Variants in ALOXE3 observed in about 807,000 individuals in gnomAD.
The protein encoded by ALOXE3 is hydroperoxide isomerase ALOXE3.
ALOXE3 carries 78 observed loss-of-function variants against 87.5 expected under a neutral mutation model. The ratio of observed to expected loss-of-function variants is 0.89; its 90% CI spans 0.74 to 1.08. The LOEUF is 1.08. Ranked by LOEUF, ALOXE3 falls within the 50% of genes least tolerant of loss-of-function variation. The pLI is 0.00. For missense variants in ALOXE3, 946 were observed against 912.4 expected, an observed-to-expected ratio of 1.04 and a Z score of -0.47; for synonymous variants, 363 against 370.8, an observed-to-expected ratio of 0.98 and a Z score of 0.24.
At chr17:8,106,274 G>T (rs779156407) in intron 13 of ALOXE3, among the ~76,000 whole-genome samples, 1 of 152,140 alleles carries the variant, frequency 6.6e-6, no homozygotes, top group Admixed American at 6.6e-5. Context: ...CTGACTGGAC[G>T]GAGGCTGATG....
At chr17:8,105,115 A>C (rs1331743826) in intron 13 of ALOXE3, among the ~76,000 whole-genome samples, 1 of 151,790 alleles carries the variant, frequency 6.6e-6, no homozygotes, top group African/African-American at 2.4e-5. Context: ...CCTCGCTAAA[A>C]CCCTCGGAGG....
chr17:8,111,593 C>G, intron 7 of ALOXE3, 62 bp from the exon 8 acceptor site: 2 of 1,567,914 alleles, frequency 1.3e-6, no homozygotes, highest in Non-Finnish European at 1.8e-6. Flanking sequence ...CTAGTCCTGC[C>G]AAGTCCTTTG....
At chr17:8,097,745 ATCTTT>A (rs1978636428) in intron 15 of ALOXE3, among the ~76,000 whole-genome samples, 1 of 134,946 alleles carries the variant, frequency 7.4e-6, no homozygotes, top group African/African-American at 2.8e-5. Flanking sequence ...AATACTACTG[ATCTTT>A]TTTTTTTTTT....
intron 15 of ALOXE3, among the ~76,000 whole-genome samples, chr17:8,100,278 C>T (rs1037218783): frequency 2.6e-5 from 4 of 152,122 alleles, no homozygotes; most frequent in Admixed American, 6.6e-5. Context: ...GTCCAGCTAT[C>T]CTGCTGGGGA....
At chr17:8,102,205 T>C (rs571373415) in intron 15 of ALOXE3, among the ~76,000 whole-genome samples, 1 of 152,296 alleles carries the variant, frequency 6.6e-6, no homozygotes, top group South Asian at 2.1e-4. Context: ...TTAAAAGTCT[T>C]GATTGGCGGC....
intron 2 of ALOXE3, 134 bp from the exon 3 acceptor site, chr17:8,117,114 T>C (rs1197455267): frequency 1.2e-6 from 1 of 827,800 alleles, no homozygotes; most frequent in African/African-American, 1.7e-5. Context: ...ATACCGGGCT[T>C]TTGTATGAAT....
chr17:8,108,440 CA>C (rs766954864), intron 13 of ALOXE3, 27 bp downstream of exon 13: 2 of 1,610,280 alleles, frequency 1.2e-6, no homozygotes, highest in Non-Finnish European at 1.7e-6. Flanking sequence ...ATCAGAGCTA[CA>C]CGGAAAGTGG....
intron 13 of ALOXE3, among the ~76,000 whole-genome samples, chr17:8,104,995 C>T (rs1277493369): frequency 7.2e-5 from 11 of 152,154 alleles, no homozygotes; most frequent in Non-Finnish European, 1.5e-4. Context: ...GCTCCAGACT[C>T]AGCCGTGGGC....
chr17:8,118,910 C>G, upstream of ALOXE3: 13 of 1,465,332 alleles, frequency 8.9e-6, no homozygotes, highest in Non-Finnish European at 1.2e-5. Flanking sequence ...CCCGCGCGGC[C>G]GGTTCCGGCG....
At chr17:8,104,700 G>A (rs1979161305) in intron 13 of ALOXE3, among the ~76,000 whole-genome samples, 2 of 152,228 alleles carry the variant, frequency 1.3e-5, no homozygotes, top group Admixed American at 1.3e-4. Context: ...TTGGCTCTTT[G>A]AGGAGAGGGC....
At position 8,109,267 on chromosome 17, in the gene ALOXE3, C is replaced by T. The variant is rs1178462446; in HGVS notation, c.1469G>A (p.Cys490Tyr). The change falls in exon 12 of 16, where the codon TGC (cysteine) becomes TAC (tyrosine). Residue 490 changes from cysteine (C) to tyrosine (Y), a missense_variant. By Grantham distance (194) the Cys-to-Tyr change is radical. Transcript: ENST00000448843. ...GCGGGCCCGCAGGCTGTCCGGAAGG[C>T]AGAAATTGGTGTAGGTGAAGTGGGC... Reference protein sequence around the residue: ...GLAHFTYTNFCLPDSLRARGV... With the variant: ...GLAHFTYTNFYLPDSLRARGV... 6.2e-7 allele frequency: 1 copy of T among 1,614,148 alleles called. No homozygotes were observed. The highest frequency in any genetic ancestry group is 1.7e-5 in the Admixed American group (1 of 60,026).
At chr17:8,106,184 G>A (rs1979297520) in intron 13 of ALOXE3, among the ~76,000 whole-genome samples, 1 of 152,082 alleles carries the variant, frequency 6.6e-6, no homozygotes, top group Non-Finnish European at 1.5e-5. Flanking sequence ...GGTGGTGACA[G>A]TAGGGATCAG....
intron 11 of ALOXE3, 137 bp from the exon 12 acceptor site, chr17:8,109,480 G>C (rs772495163): frequency 5.8e-6 from 7 of 1,199,338 alleles, no homozygotes; most frequent in African/African-American, 1.5e-5. Flanking sequence ...AAATACCCAC[G>C]AGGGCCTGCC....
At chr17:8,107,935 A>G (rs1164783819) in intron 13 of ALOXE3, among the ~76,000 whole-genome samples, 85 of 5,454 alleles carry the variant, frequency 0.016, 5 homozygotes, top group South Asian at 0.024. Flanking sequence ...GAAAGAAAGA[A>G]AGAAAGAAAG....
intron 13 of ALOXE3, among the ~76,000 whole-genome samples, chr17:8,105,609 G>C (rs1000561955): frequency 6.6e-6 from 1 of 152,134 alleles, no homozygotes; most frequent in African/African-American, 2.4e-5. Context: ...CAAGAGCCCG[G>C]TAATTATTGG....
chr17:8,111,504 T>A lies in ALOXE3; in HGVS notation c.812A>T (p.Asp271Val). Reference sequence around the variant, plus strand: ...CAGGTACTGGTACCCAAAGAAGTGATCTTCACACCAGTGCTCTGTGACATA... The same window carrying A: ...CAGGTACTGGTACCCAAAGAAGTGAACTTCACACCAGTGCTCTGTGACATA... Reference protein sequence around the residue: ...TKYVTEHWCEDHFFGYQYLNG... With the variant: ...TKYVTEHWCEVHFFGYQYLNG... Residue 271 changes from aspartate to valine, a missense_variant, in exon 8 of 16, where the codon GAT becomes GTT. By Grantham distance (152) the Asp-to-Val change is radical (BLOSUM62 -3). Coordinates refer to ENST00000448843, the MANE Select transcript of ALOXE3 (RefSeq NM_021628.3). The A allele has an allele frequency of 3.1e-6, 5 of 1,614,164 alleles. No individual in the cohort carries two copies. The highest frequency in any genetic ancestry group is 4.2e-6 in the Non-Finnish European group (5 of 1,180,018).
At chr17:8,112,223 G>A in intron 6 of ALOXE3, 27 bp from the exon 7 acceptor site, 1 of 1,558,180 alleles carries the variant, frequency 6.4e-7, no homozygotes, top group Non-Finnish European at 8.9e-7. Flanking sequence ...AGATGAGGGT[G>A]AGGTCTGGGG....
chr17:8,110,599 A>C (rs1023826626), intron 8 of ALOXE3, 71 bp from the exon 9 acceptor site: 1 of 1,605,094 alleles, frequency 6.2e-7, no homozygotes, highest in Non-Finnish European at 8.5e-7. Flanking sequence ...TTCCCTGCCC[A>C]CTTCCACCCC....
At chr17:8,110,817 A>G (rs1459697610) in intron 8 of ALOXE3, among the ~76,000 whole-genome samples, 1 of 152,126 alleles carries the variant, frequency 6.6e-6, no homozygotes. Flanking sequence ...CTCAGATGGA[A>G]TCCCCTTCTG....
Sources: gnomAD v4.1 joint callset for allele counts (sites outside exome capture counted in the v4.1 genomes callset) on GRCh38, gnomAD v4.1.1 for gene constraint, MANE v1.5 for transcripts, NCBI Gene and HGNC (gene_info 2026-07-23, HGNC 2026-07-21) for gene names.